Variants in LTBP1 observed in about 807,000 individuals in gnomAD.
LTBP1 encodes latent transforming growth factor beta binding protein 1.
In LTBP1, 129 loss-of-function variants were observed where a neutral mutation model predicts 207.6. The observed-to-expected ratio is 0.62, with a 90% CI of 0.54 to 0.72. The LOEUF is 0.72. Among genes scored for constraint, LTBP1 ranks in the 30% least tolerant of loss-of-function variants. The pLI is 0.00. For missense variants in LTBP1, 2,281 were observed against 2,217.2 expected (o/e 1.03, Z -0.58); for synonymous variants, 963 against 833.7 (o/e 1.16, Z -2.67).
At chr2:33,050,202 A>G (rs2076659616) in intron 3 of LTBP1, among the ~76,000 whole-genome samples, 2 of 136,514 alleles carry the variant, frequency 1.5e-5, no homozygotes, top group South Asian at 4.4e-4. Context: ...ATAGGTGGCC[A>G]TTGGTCTACA....
chr2:33,395,186 C>T (rs1022590740), intron 32 of LTBP1, among the ~76,000 whole-genome samples: 5 of 152,146 alleles, frequency 3.3e-5, no homozygotes, highest in African/African-American at 7.2e-5. Flanking sequence ...TACATAGCAT[C>T]GTTTCTCTAT....
At chr2:33,122,576 A>G (rs1472946429) in intron 4 of LTBP1, among the ~76,000 whole-genome samples, 1 of 152,216 alleles carries the variant, frequency 6.6e-6, no homozygotes, top group African/African-American at 2.4e-5. Context: ...AGGAATTCCT[A>G]AGTTAGAATT....
chr2:33,274,658 C>T (rs1322415047), intron 16 of LTBP1, among the ~76,000 whole-genome samples: 3 of 152,170 alleles, frequency 2.0e-5, no homozygotes, highest in Admixed American at 6.5e-5. Context: ...ACAGCAAATT[C>T]CATTGCTTGG....
At chr2:33,191,855 A>G (rs116238481) in intron 7 of LTBP1, among the ~76,000 whole-genome samples, 1,584 of 152,338 alleles carry the variant, frequency 0.01, 27 homozygotes, top group African/African-American at 0.034. Context: ...ATATGTTGCT[A>G]TGAGAGGTCA....
intron 19 of LTBP1, among the ~76,000 whole-genome samples, chr2:33,292,568 T>A (rs2093795411): frequency 6.6e-6 from 1 of 152,222 alleles, no homozygotes; most frequent in African/African-American, 2.4e-5. Context: ...GATTAGGTGC[T>A]ATTATTATTA....
At chr2:33,226,083 T>C (rs980390214) in intron 9 of LTBP1, among the ~76,000 whole-genome samples, 5 of 152,228 alleles carry the variant, frequency 3.3e-5, no homozygotes, top group African/African-American at 1.2e-4. Flanking sequence ...TATTGACCCA[T>C]GGATTATTTA....
chr2:33,360,488 A>C, intron 26 of LTBP1, 109 bp from the exon 27 acceptor site: 1 of 658,942 alleles, frequency 1.5e-6, no homozygotes, highest in Non-Finnish European at 2.6e-6. Flanking sequence ...TTTTCTATAA[A>C]GCAAATGCTA....
intron 5 of LTBP1, among the ~76,000 whole-genome samples, chr2:33,157,509 C>T (rs2084064578): frequency 1.3e-5 from 2 of 152,136 alleles, no homozygotes; most frequent in African/African-American, 4.8e-5. Context: ...TTTTATAGAT[C>T]AGAAAATTGA....
chr2:33,291,232 A>G (rs2093769367), intron 19 of LTBP1, among the ~76,000 whole-genome samples: 1 of 152,238 alleles, frequency 6.6e-6, no homozygotes, highest in Non-Finnish European at 1.5e-5. Flanking sequence ...GAAGTTTTAT[A>G]AGTATCTCCT....
chr2:33,223,746 G>A (rs1191040393), intron 9 of LTBP1, among the ~76,000 whole-genome samples: 8 of 152,250 alleles, frequency 5.3e-5, no homozygotes, highest in Admixed American at 3.9e-4. Flanking sequence ...ACTGATTTGG[G>A]GTTTGGGTGT....
intron 2 of LTBP1, among the ~76,000 whole-genome samples, chr2:33,019,844 A>G (rs561127460): frequency 1.3e-5 from 2 of 151,742 alleles, no homozygotes; most frequent in East Asian, 3.9e-4. Flanking sequence ...CTGGGACTAC[A>G]GGTGCGTGCC....
intron 2 of LTBP1, among the ~76,000 whole-genome samples, chr2:32,986,368 A>G (rs1349164757): frequency 6.6e-6 from 1 of 152,202 alleles, no homozygotes; most frequent in Admixed American, 6.5e-5. Context: ...GTGTGCAGGC[A>G]GATCCTTTGG....
chr2:33,093,125 G>A (rs978569355), intron 3 of LTBP1, among the ~76,000 whole-genome samples: 4 of 152,212 alleles, frequency 2.6e-5, no homozygotes, highest in African/African-American at 9.7e-5. Flanking sequence ...TTCTGAAGTG[G>A]AACGTGTCTT....
chr2:33,214,689 C>T (rs909750427), intron 7 of LTBP1, among the ~76,000 whole-genome samples: 11 of 152,162 alleles, frequency 7.2e-5, no homozygotes, highest in African/African-American at 2.7e-4. Context: ...CACAACGTCA[C>T]TCATTGTTTA....
chr2:33,356,451 G>A (rs1439166891), intron 26 of LTBP1, among the ~76,000 whole-genome samples: 1 of 152,138 alleles, frequency 6.6e-6, no homozygotes, highest in African/African-American at 2.4e-5. Context: ...AGGCCGAGGT[G>A]GGTGGATCAC....
At chr2:33,319,619 C>G (rs1048000141) in intron 24 of LTBP1, among the ~76,000 whole-genome samples, 6 of 152,060 alleles carry the variant, frequency 3.9e-5, no homozygotes, top group African/African-American at 1.4e-4. Context: ...CTGCACTTGG[C>G]CAGGAACAAC....
intron 9 of LTBP1, among the ~76,000 whole-genome samples, chr2:33,228,768 C>T (rs1044404655): frequency 7.5e-6 from 1 of 132,460 alleles, no homozygotes; most frequent in East Asian, 2.3e-4. Flanking sequence ...GGTGCAATCT[C>T]GGCTCACTGC....
chr2:33,395,788 C>T (rs775003793), intron 32 of LTBP1, among the ~76,000 whole-genome samples: 22 of 151,838 alleles, frequency 1.4e-4, no homozygotes, highest in Non-Finnish European at 3.2e-4. Context: ...TATCCTTGTC[C>T]AATTCCTCCA....
At chr2:33,304,800 C>T (rs745446510) in intron 22 of LTBP1, among the ~76,000 whole-genome samples, 5 of 152,170 alleles carry the variant, frequency 3.3e-5, no homozygotes, top group Non-Finnish European at 7.3e-5. Flanking sequence ...GTGCCCTTTG[C>T]TCTTGGTCAT....
Sources: allele counts gnomAD v4.1 joint callset (sites outside exome capture counted in the v4.1 genomes callset), GRCh38; gene constraint gnomAD v4.1.1; transcripts MANE v1.5; gene names NCBI Gene and HGNC (gene_info 2026-07-23, HGNC 2026-07-21).